Variants in ATXN7L1 observed in about 807,000 individuals in gnomAD.
ATXN7L1 encodes the protein ataxin 7 like 1.
A neutral mutation model predicts 70.8 loss-of-function variants in ATXN7L1; 15 were observed. The observed-to-expected ratio is 0.21, with a 90% CI of 0.14 to 0.33. The LOEUF is 0.33. ATXN7L1 is among the 10% of genes least tolerant of loss of function. The probability of loss-of-function intolerance (pLI) is 1.00; values close to 1 mark genes in which losing one functional copy is unlikely to be tolerated. For synonymous variants in ATXN7L1, 440 were observed against 445.1 expected (o/e 0.99, Z 0.14); for missense variants, 975 against 1,097.1 (o/e 0.89, Z 1.57).
intron 3 of ATXN7L1, among the ~76,000 whole-genome samples, chr7:105,672,446 T>C (rs957715776): frequency 6.6e-6 from 1 of 152,228 alleles, no homozygotes; most frequent in African/African-American, 2.4e-5. Flanking sequence ...TTTTAAACTG[T>C]TAGGTAATAT....
intron 3 of ATXN7L1, among the ~76,000 whole-genome samples, chr7:105,701,563 ATAT>A (rs1381073947): frequency 2.0e-5 from 3 of 152,184 alleles, no homozygotes; most frequent in Admixed American, 1.3e-4. Flanking sequence ...AAATAAAACT[ATAT>A]TATTATGCAA....
At chr7:105,618,419 TTACC>T (rs1307132519) in intron 9 of ATXN7L1, among the ~76,000 whole-genome samples, 1 of 152,184 alleles carries the variant, frequency 6.6e-6, no homozygotes, top group Non-Finnish European at 1.5e-5. Flanking sequence ...CTTGTGGCCC[TTACC>T]TACCTTATAG....
chr7:105,743,048 T>A (rs1366465775), intron 3 of ATXN7L1, among the ~76,000 whole-genome samples: 1 of 152,154 alleles, frequency 6.6e-6, no homozygotes, highest in African/African-American at 2.4e-5. Context: ...GCTTTTCAAA[T>A]TAGAATTTGA....
rs140640413 is a variant in ATXN7L1, at chr7:105,795,496, T to G, written c.251-6788A>C. ...TTTGTGGATTCAGGATCAAGCTAGATGCTGCGTGCCTTTGAATTTGCCCCT... is the reference window on the plus strand; with the variant it reads ...TTTGTGGATTCAGGATCAAGCTAGAGGCTGCGTGCCTTTGAATTTGCCCCT... On this transcript the variant is annotated intron_variant, in intron 2 of 11. Transcript: ENST00000419735. Among the ~76,000 whole-genome samples the G allele has an allele frequency of 3.2e-3, 486 of 152,352 alleles. 3 individuals are homozygous for G. The highest frequency in any genetic ancestry group is 0.011 in the African/African-American group (453 of 41,586).
At chr7:105,805,096 G>T (rs760490030) in intron 2 of ATXN7L1, among the ~76,000 whole-genome samples, 1 of 152,204 alleles carries the variant, frequency 6.6e-6, no homozygotes, top group Non-Finnish European at 1.5e-5. Context: ...AACAACGAAC[G>T]AGCCGGACAG....
chr7:105,865,004 C>A (rs1487161770), intron 2 of ATXN7L1, among the ~76,000 whole-genome samples: 1 of 152,180 alleles, frequency 6.6e-6, no homozygotes, highest in Non-Finnish European at 1.5e-5. Flanking sequence ...TCGGGGCATC[C>A]TTAAAGAACT....
intron 4 of ATXN7L1, among the ~76,000 whole-genome samples, chr7:105,664,563 A>ATGTGTGTGTG (rs201514886): frequency 3.7e-5 from 5 of 134,730 alleles, no homozygotes; most frequent in African/African-American, 1.2e-4. Flanking sequence ...TATATATATT[A>ATGTGTGTGTG]TGTATGTGTG....
intron 3 of ATXN7L1, among the ~76,000 whole-genome samples, chr7:105,766,504 C>A (rs928336892): frequency 6.8e-4 from 103 of 152,172 alleles, no homozygotes; most frequent in Non-Finnish European, 1.4e-3. Context: ...TGATTCATTT[C>A]GGAATTTTGA....
chr7:105,719,619 T>C (rs1294353888), intron 3 of ATXN7L1, among the ~76,000 whole-genome samples: 2 of 152,178 alleles, frequency 1.3e-5, no homozygotes, highest in African/African-American at 4.8e-5. Context: ...TCAGGGCTCT[T>C]GGCCTTCTCA....
intron 3 of ATXN7L1, among the ~76,000 whole-genome samples, chr7:105,724,142 T>G (rs889637413): frequency 6.6e-5 from 10 of 152,172 alleles, no homozygotes; most frequent in African/African-American, 2.4e-4. Flanking sequence ...GAGGCCAGAC[T>G]CTGAAATCAT....
intron 3 of ATXN7L1, among the ~76,000 whole-genome samples, chr7:105,711,972 G>C (rs1042549332): frequency 3.9e-5 from 6 of 152,250 alleles, no homozygotes; most frequent in African/African-American, 1.4e-4. Flanking sequence ...TGAAATCTAG[G>C]TGGAGGTTCC....
intron 3 of ATXN7L1, among the ~76,000 whole-genome samples, chr7:105,738,725 C>A (rs568586388): frequency 6.6e-6 from 1 of 152,350 alleles, no homozygotes; most frequent in African/African-American, 2.4e-5. Context: ...TGCCTCTCAG[C>A]AGGCATGAGC....
chr7:105,809,981 A>G (rs1213705937), intron 2 of ATXN7L1, among the ~76,000 whole-genome samples: 1 of 152,230 alleles, frequency 6.6e-6, no homozygotes, highest in East Asian at 1.9e-4. Context: ...TATGTTGCCC[A>G]GGCTGGCCTC....
intron 3 of ATXN7L1, among the ~76,000 whole-genome samples, chr7:105,666,830 T>TG (rs1802682479): frequency 6.6e-6 from 1 of 152,220 alleles, no homozygotes; most frequent in Non-Finnish European, 1.5e-5. Context: ...GGGGCCTCTG[T>TG]TTTGAGGGCT....
rs780499488 is a variant in ATXN7L1, at chr7:105,760,714, AG to A, written c.355+27889del. 142 of 291,344 alleles carry A rather than the reference AG, an allele frequency of 4.9e-4. 1 individual carries two copies. Among genetic ancestry groups the A allele is most frequent in the Admixed American group, 3.0e-3 (47 of 15,460 alleles). The allele number at this position is 291,344 out of a possible 1,614,324, so 18.0% of individuals were successfully genotyped here. On this transcript the variant is annotated intron_variant, in intron 3 of 11. Transcript: ENST00000419735. The stretch of plus-strand genomic sequence containing the variant: ...GAGAGCTCATCTAGTTGTGAAAATT[AG>A]GGGAGTCTTCCAGAAGGAAGTAATC...
At chr7:105,785,297 C>T (rs1415084248) in intron 3 of ATXN7L1, among the ~76,000 whole-genome samples, 2 of 152,200 alleles carry the variant, frequency 1.3e-5, no homozygotes, top group Non-Finnish European at 2.9e-5. Flanking sequence ...AAAACCCCGT[C>T]TTTACTAAAA....
chr7:105,649,958 G>A (rs1209061436), intron 4 of ATXN7L1, among the ~76,000 whole-genome samples: 1 of 152,162 alleles, frequency 6.6e-6, no homozygotes, highest in Non-Finnish European at 1.5e-5. Flanking sequence ...AGCCTTAGAA[G>A]GGCCATATCA....
At chr7:105,652,009 C>A (rs560693664) in intron 4 of ATXN7L1, among the ~76,000 whole-genome samples, 1 of 152,284 alleles carries the variant, frequency 6.6e-6, no homozygotes, top group Non-Finnish European at 1.5e-5. Context: ...GCATGGAGCT[C>A]AGAAGGTGGT....
intron 3 of ATXN7L1, among the ~76,000 whole-genome samples, chr7:105,759,449 AGTGTGTGTGTGTGT>A (rs34887279): frequency 1.7e-5 from 1 of 60,460 alleles, no homozygotes; most frequent in Non-Finnish European, 3.1e-5. Context: ...TTGGATAGTG[AGTGTGTGTGTGTGT>A]GTGTGTGTGT....
Sources: allele counts gnomAD v4.1 joint callset (sites outside exome capture counted in the v4.1 genomes callset), GRCh38; gene constraint gnomAD v4.1.1; transcripts MANE v1.5; gene names NCBI Gene and HGNC (gene_info 2026-07-23, HGNC 2026-07-21).